The following TMEM135 variants were observed in gnomAD, a reference collection of about 807,000 sequenced individuals.
The protein encoded by TMEM135 is transmembrane protein 135.
TMEM135 carries 30 observed loss-of-function variants against 60.3 expected under a neutral mutation model. That is an observed-to-expected ratio of 0.50 (90% CI 0.37 to 0.68). TMEM135 has a LOEUF of 0.68. TMEM135 is among the 30% of genes least tolerant of loss of function. The probability of loss-of-function intolerance (pLI) is 0.00; values close to 1 mark genes in which losing one functional copy is unlikely to be tolerated. For missense variants in TMEM135, 468 were observed against 548.8 expected, an observed-to-expected ratio of 0.85 and a Z score of 1.47; for synonymous variants, 190 against 186.7, an observed-to-expected ratio of 1.02 and a Z score of -0.14.
At chr11:87,119,682 TAGAA>T (rs1857991186) in intron 4 of TMEM135, among the ~76,000 whole-genome samples, 2 of 152,284 alleles carry the variant, frequency 1.3e-5, no homozygotes, top group South Asian at 4.1e-4. Flanking sequence ...GCCTGGGTGA[TAGAA>T]AGACTCTGTC....
At chr11:87,227,202 G>A (rs1194476729) in intron 5 of TMEM135, among the ~76,000 whole-genome samples, 2 of 151,672 alleles carry the variant, frequency 1.3e-5, no homozygotes, top group East Asian at 3.9e-4. Context: ...CTGAGACTTG[G>A]CTTATTCTAT....
chr11:87,159,617 A>ACACACACACACACACACACACC (rs140303858), intron 5 of TMEM135, among the ~76,000 whole-genome samples: 207 of 149,438 alleles, frequency 1.4e-3, no homozygotes, highest in African/African-American at 4.7e-3. Flanking sequence ...ACACACACAC[A>ACACACACACACACACACACACC]CCATAGATTT....
intron 2 of TMEM135, among the ~76,000 whole-genome samples, chr11:87,069,169 C>T (rs1278871857): frequency 6.7e-6 from 1 of 150,240 alleles, no homozygotes; most frequent in African/African-American, 2.5e-5. Flanking sequence ...GCCTGTAGTC[C>T]CATCTACTTG....
At chr11:87,155,525 A>G (rs944241619) in intron 4 of TMEM135, among the ~76,000 whole-genome samples, 1 of 152,174 alleles carries the variant, frequency 6.6e-6, no homozygotes, top group African/African-American at 2.4e-5. Flanking sequence ...CCATTGCCCA[A>G]TGTGTGCAGC....
intron 4 of TMEM135, among the ~76,000 whole-genome samples, chr11:87,135,681 C>T (rs752041540): frequency 1.3e-5 from 2 of 151,772 alleles, no homozygotes; most frequent in Non-Finnish European, 2.9e-5. Context: ...TATTAGTCTT[C>T]CAATTATATT....
intron 4 of TMEM135, among the ~76,000 whole-genome samples, chr11:87,147,768 AT>A (rs1251101214): frequency 6.6e-6 from 1 of 151,930 alleles, no homozygotes; most frequent in Non-Finnish European, 1.5e-5. Context: ...TTAACTTATT[AT>A]TTTTTTGAGA....
At chr11:87,209,704 GAACATCCAAGAAC>G (rs909327690) in intron 5 of TMEM135, among the ~76,000 whole-genome samples, 11 of 151,986 alleles carry the variant, frequency 7.2e-5, no homozygotes, top group African/African-American at 2.2e-4. Flanking sequence ...GAGATCTACA[GAACATCCAAGAAC>G]AACATCCAAG....
At chr11:87,145,622 T>C (rs1460545440) in intron 4 of TMEM135, among the ~76,000 whole-genome samples, 1 of 152,188 alleles carries the variant, frequency 6.6e-6, no homozygotes, top group Admixed American at 6.5e-5. Flanking sequence ...AAAGCCATTC[T>C]GACAGGTGTG....
At chr11:87,080,569 CTTTTTT>C (rs553452680) in intron 3 of TMEM135, among the ~76,000 whole-genome samples, 4 of 151,518 alleles carry the variant, frequency 2.6e-5, no homozygotes, top group Non-Finnish European at 4.4e-5. Context: ...GGTACATGCA[CTTTTTT>C]TTTGTTACCA....
intron 12 of TMEM135, 94 bp downstream of exon 12, chr11:87,314,641 C>A: frequency 9.9e-7 from 1 of 1,005,502 alleles, no homozygotes; most frequent in Non-Finnish European, 1.5e-6. Flanking sequence ...CAATGGCAAA[C>A]ATAAATTTTA....
chr11:87,078,149 A>G (rs1469198895), intron 3 of TMEM135, among the ~76,000 whole-genome samples: 3 of 152,220 alleles, frequency 2.0e-5, no homozygotes, highest in Non-Finnish European at 2.9e-5. Context: ...TTTTTGAGGA[A>G]CTGCCAAACT....
At chr11:87,301,845 A>T (rs1565163378) in intron 7 of TMEM135, among the ~76,000 whole-genome samples, 1 of 152,194 alleles carries the variant, frequency 6.6e-6, no homozygotes, top group Non-Finnish European at 1.5e-5. Flanking sequence ...TCCAAAGAAA[A>T]ATAAGTAGAT....
chr11:87,295,863 A>C, intron 7 of TMEM135, 40 bp downstream of exon 7: 1 of 1,513,718 alleles, frequency 6.6e-7, no homozygotes, highest in Non-Finnish European at 9.1e-7. Flanking sequence ...AGAATTTACA[A>C]GTTAACTTAA....
At chr11:87,054,446 A>C (rs1383064741) in intron 1 of TMEM135, among the ~76,000 whole-genome samples, 1 of 152,256 alleles carries the variant, frequency 6.6e-6, no homozygotes, top group Non-Finnish European at 1.5e-5. Flanking sequence ...AAAGAAAAAA[A>C]GAAAAAAAGA....
chr11:87,312,558 A>G (rs923177113), intron 10 of TMEM135, among the ~76,000 whole-genome samples: 1 of 151,970 alleles, frequency 6.6e-6, no homozygotes, highest in Non-Finnish European at 1.5e-5. Context: ...GGTCTCTGTC[A>G]TAACTACCCA....
intron 6 of TMEM135, among the ~76,000 whole-genome samples, chr11:87,251,955 T>G (rs571807767): frequency 6.6e-5 from 10 of 152,078 alleles, no homozygotes; most frequent in Non-Finnish European, 1.5e-4. Flanking sequence ...TCATCTGCAA[T>G]CTGATGGTCA....
chr11:87,053,419 A>C (rs1421194329), intron 1 of TMEM135, among the ~76,000 whole-genome samples: 1 of 152,160 alleles, frequency 6.6e-6, no homozygotes, highest in East Asian at 1.9e-4. Flanking sequence ...AAATGTGGTA[A>C]GACCTTGACA....
intron 5 of TMEM135, among the ~76,000 whole-genome samples, chr11:87,158,388 G>A (rs892668474): frequency 6.6e-6 from 1 of 152,092 alleles, no homozygotes; most frequent in South Asian, 2.1e-4. Flanking sequence ...TGCTCATTAG[G>A]CAGAAATGTG....
At position 87,325,526 on chromosome 11, in the gene TMEM135, C is replaced by G. The variant is rs1028858315; in HGVS notation, c.*4193C>G. ...TCCCTCTCTCTCTCTCTCTGTCTGT[C>G]TCTCTTGCTGCTCCCTCTCCCTGCC... On this transcript the variant is annotated 3_prime_UTR_variant, in exon 15 of 15. Transcript: ENST00000305494. 8 of 453,824 alleles carry G rather than the reference C, an allele frequency of 1.8e-5. No homozygotes were observed. The Admixed American group carries it at 1.9e-4, about 11-fold the overall frequency. 28.1% of individuals were successfully genotyped at this position (453,824 alleles called of 1,614,324 possible).
Sources: allele counts gnomAD v4.1 joint callset (sites outside exome capture counted in the v4.1 genomes callset), GRCh38; gene constraint gnomAD v4.1.1; transcripts MANE v1.5; gene names NCBI Gene and HGNC (gene_info 2026-07-23, HGNC 2026-07-21).